PRLR: variants seen among roughly 807,000 people sequenced by gnomAD.
PRLR encodes prolactin receptor, also known as hPRL receptor.
PRLR carries 13 observed loss-of-function variants against 40.2 expected under a neutral mutation model. The ratio of observed to expected loss-of-function variants is 0.32; its 90% CI spans 0.21 to 0.51. PRLR has a LOEUF of 0.51. Ranked by LOEUF, PRLR falls within the 20% of genes least tolerant of loss-of-function variation. PRLR has a pLI of 0.97. For missense variants in PRLR, 656 were observed against 747.3 expected, an observed-to-expected ratio of 0.88 and a Z score of 1.42; for synonymous variants, 269 against 278.7, an observed-to-expected ratio of 0.97 and a Z score of 0.35.
intron 2 of PRLR, among the ~76,000 whole-genome samples, chr5:35,110,528 C>T (rs1249397417): frequency 6.6e-6 from 1 of 152,128 alleles, no homozygotes; most frequent in Non-Finnish European, 1.5e-5. Context: ...TCTTTCCTCA[C>T]ACCGCTCTAA....
intron 1 of PRLR, among the ~76,000 whole-genome samples, chr5:35,201,399 C>T: frequency 6.6e-6 from 1 of 152,116 alleles, no homozygotes; most frequent in Admixed American, 6.5e-5. Context: ...ATATTTTACC[C>T]CTTTGGTAAG....
intron 1 of PRLR, among the ~76,000 whole-genome samples, chr5:35,156,786 C>A (rs1774522482): frequency 6.6e-6 from 1 of 152,140 alleles, no homozygotes; most frequent in Admixed American, 6.5e-5. Context: ...CTCTCTCCTC[C>A]AAACTTCTAG....
intron 6 of PRLR, 82 bp downstream of exon 6, chr5:35,072,493 G>C (rs533660302): frequency 9.6e-6 from 14 of 1,451,604 alleles, no homozygotes; most frequent in Non-Finnish European, 9.4e-7. Context: ...CAGTAATTAG[G>C]AGGAATGACC....
intron 1 of PRLR, among the ~76,000 whole-genome samples, chr5:35,209,540 G>C (rs761867092): frequency 6.6e-6 from 1 of 152,130 alleles, no homozygotes; most frequent in Non-Finnish European, 1.5e-5. Flanking sequence ...CTTTATCACT[G>C]GAAAGAATTC....
chr5:35,163,454 G>A (rs1465863115), intron 1 of PRLR, among the ~76,000 whole-genome samples: 1 of 152,178 alleles, frequency 6.6e-6, no homozygotes, highest in African/African-American at 2.4e-5. Flanking sequence ...TTCATGAGGA[G>A]CAGCTAGGAT....
At chr5:35,120,766 C>T (rs1773261118) in intron 1 of PRLR, among the ~76,000 whole-genome samples, 1 of 152,136 alleles carries the variant, frequency 6.6e-6, no homozygotes, top group African/African-American at 2.4e-5. Flanking sequence ...TGCTCATTTC[C>T]CTGCTCCTCA....
At chr5:35,148,362 A>G (rs1475867142) in intron 1 of PRLR, among the ~76,000 whole-genome samples, 1 of 152,108 alleles carries the variant, frequency 6.6e-6, no homozygotes, top group Non-Finnish European at 1.5e-5. Context: ...GATGCCAATA[A>G]AGGGGGTAGA....
In PRLR at chr5:35,086,560, G is replaced by GGTGT. The variant is rs113256007; in HGVS notation, c.71-224_71-221dup. Among the ~76,000 whole-genome samples the GGTGT allele has an allele frequency of 5.5e-3, 817 of 148,172 alleles. 8 individuals carry two copies. Among genetic ancestry groups the GGTGT allele is most frequent in the African/African-American group, 0.018 (745 of 40,552 alleles). ...CATTGCTCTTAGAGAGCATTTTGCT[G>GGTGT]GTGTGTGTGTGTGTGTGTGTGTGTG... On this transcript the variant is annotated intron_variant, in intron 3 of 9. Transcript: ENST00000618457.
At chr5:35,167,792 C>T (rs1774885827) in intron 1 of PRLR, among the ~76,000 whole-genome samples, 1 of 151,564 alleles carries the variant, frequency 6.6e-6, no homozygotes, top group Admixed American at 6.6e-5. Flanking sequence ...CAACAGAGGC[C>T]TAATTAATAA....
downstream of PRLR, among the ~76,000 whole-genome samples, chr5:35,052,470 T>G (rs1768526591): frequency 6.6e-6 from 1 of 152,064 alleles, no homozygotes; most frequent in Non-Finnish European, 1.5e-5. Context: ...ATCTGAAAAA[T>G]TGTAGGGGCC....
At chr5:35,135,015 TACTG>T (rs1247676509) in intron 1 of PRLR, among the ~76,000 whole-genome samples, 2 of 152,162 alleles carry the variant, frequency 1.3e-5, no homozygotes, top group African/African-American at 4.8e-5. Context: ...CTTTTAAATC[TACTG>T]ACTGAAAGTA....
At chr5:35,082,598 C>A (rs1770592340) in intron 5 of PRLR, among the ~76,000 whole-genome samples, 2 of 152,170 alleles carry the variant, frequency 1.3e-5, no homozygotes, top group African/African-American at 4.8e-5. Flanking sequence ...GAAGAAAAAA[C>A]AGCTCCCAGT....
rs1169074993 is a variant in PRLR at position 35,065,228 on chromosome 5, T to C, written c.1730A>G (p.Lys577Arg). The change falls in exon 10 of 10, where the codon AAA (lysine) becomes AGA (arginine). Residue 577 changes from lysine (K) to arginine (R), a missense_variant. Physicochemically the swap from Lys to Arg is conservative, Grantham distance 26 (BLOSUM62 2). Coordinates refer to ENST00000618457, the MANE Select transcript of PRLR (RefSeq NM_000949.7). ...KNVACFEESA[K>R]EAPPSLEQNQ... ...CTGTTCAAGTGATGGTGGGGCCTCTTTGGCTGATTCTTCAAAGCAAGCCAC... is the reference window on the plus strand; with the variant it reads ...CTGTTCAAGTGATGGTGGGGCCTCTCTGGCTGATTCTTCAAAGCAAGCCAC... The C allele has an allele frequency of 6.2e-7, 1 of 1,614,162 alleles. No homozygotes were observed. Among genetic ancestry groups the C allele is most frequent in the African/African-American group, 1.3e-5 (1 of 75,050 alleles).
At chr5:35,104,614 C>T (rs1025691165) in intron 2 of PRLR, among the ~76,000 whole-genome samples, 17 of 152,122 alleles carry the variant, frequency 1.1e-4, no homozygotes, top group Admixed American at 1.0e-3. Context: ...CACGGAGCCT[C>T]GCTCACTGCT....
At chr5:35,141,236 G>A (rs1457872897) in intron 1 of PRLR, among the ~76,000 whole-genome samples, 14 of 141,390 alleles carry the variant, frequency 9.9e-5, no homozygotes, top group African/African-American at 2.6e-4. Context: ...CTTAATACCT[G>A]AAAAAAAAAA....
intron 5 of PRLR, among the ~76,000 whole-genome samples, chr5:35,073,027 T>C (rs1769852052): frequency 6.6e-6 from 1 of 152,170 alleles, no homozygotes; most frequent in Admixed American, 6.5e-5. Flanking sequence ...GCTATCCCCA[T>C]AATTTTCATG....
At position 35,058,914 on chromosome 5, in the gene PRLR, T is replaced by C. The variant is rs187997194; in HGVS notation, c.*6175A>G. 3 of 152,282 alleles carry C rather than the reference T, an allele frequency of 2.0e-5. No individual in the cohort carries two copies. The highest frequency in any genetic ancestry group is 3.9e-4 in the East Asian group (2 of 5,188). 9.4% of individuals were successfully genotyped at this position (152,282 alleles called of 1,614,324 possible). On this transcript the variant is annotated 3_prime_UTR_variant, in exon 10 of 10. Coordinates refer to ENST00000618457, the MANE Select transcript of PRLR (RefSeq NM_000949.7). The stretch of plus-strand genomic sequence containing the variant: ...TTCATTTCTAAACTATAAGCAGCTT[T>C]GAAGGAAGGACATTAGGACACAAAA...
rs548266014 is a variant in PRLR at position 35,067,044 on chromosome 5, T to A, written c.856-942A>T. 4.6e-5 allele frequency among the ~76,000 whole-genome samples: 7 copies of A among 152,254 alleles called. No homozygotes were observed. In the East Asian group the frequency reaches 1.2e-3, roughly 25 times the overall value. ...TTCCAAAGTGCTGGGATTACAGGCGTGAGCCACCGCGCCCGGCCTCTTTTT... is the reference window on the plus strand; with the variant it reads ...TTCCAAAGTGCTGGGATTACAGGCGAGAGCCACCGCGCCCGGCCTCTTTTT... On this transcript the variant is annotated intron_variant, in intron 9 of 9. Coordinates refer to ENST00000618457, the MANE Select transcript of PRLR (RefSeq NM_000949.7).
At chr5:35,132,706 C>A (rs1364690908) in intron 1 of PRLR, among the ~76,000 whole-genome samples, 1 of 152,172 alleles carries the variant, frequency 6.6e-6, no homozygotes, top group Non-Finnish European at 1.5e-5. Flanking sequence ...CAGAAGGCTA[C>A]ATGTCCTATT....
Sources: gnomAD v4.1 joint callset for allele counts (sites outside exome capture counted in the v4.1 genomes callset) on GRCh38, gnomAD v4.1.1 for gene constraint, MANE v1.5 for transcripts, NCBI Gene and HGNC (gene_info 2026-07-23, HGNC 2026-07-21) for gene names.